Variants in TNK2 observed in about 807,000 individuals in gnomAD.
TNK2 encodes tyrosine kinase non receptor 2.
Under a neutral mutation model 101.8 loss-of-function variants are expected in TNK2, and 83 were observed. The ratio of observed to expected loss-of-function variants is 0.82; its 90% CI spans 0.68 to 0.98. The LOEUF is 0.98. Ranked by LOEUF, TNK2 falls within the 50% of genes least tolerant of loss-of-function variation. The pLI, the probability that TNK2 is intolerant of heterozygous loss-of-function variation, is 0.00. For synonymous variants in TNK2, 804 were observed against 633.0 expected, an observed-to-expected ratio of 1.27 and a Z score of -4.06; for missense variants, 1,665 against 1,483.2, an observed-to-expected ratio of 1.12 and a Z score of -2.01.
At chr3:195,891,527 G>A (rs910625498) in intron 1 of TNK2, among the ~76,000 whole-genome samples, 3 of 152,226 alleles carry the variant, frequency 2.0e-5, no homozygotes, top group Non-Finnish European at 4.4e-5. Context: ...AGAGGCGTGG[G>A]GTTTAAGAGG....
chr3:195,904,747 T>A lies in TNK2; in HGVS notation c.-19+3738A>T, dbSNP rs73891172. Among the ~76,000 whole-genome samples the A allele has an allele frequency of 4.4e-3, 677 of 152,320 alleles. 2 individuals are homozygous for A. Among genetic ancestry groups the A allele is most frequent in the African/African-American group, 0.015 (640 of 41,556 alleles). On this transcript the variant is annotated intron_variant, in intron 1 of 15. Transcript: ENST00000672887. ...ATACTACCAGGAAAAACCAGTATCA[T>A]TTACAATAGCATAAAAATAGGTACT... is the stretch of plus-strand genomic sequence containing the variant.
Position 195,867,700 on chromosome 3 carries a change from G to C in TNK2, c.2598C>G (p.Gly866=). 2 of 1,608,822 alleles carry C rather than the reference G, an allele frequency of 1.2e-6. No homozygotes were observed. The highest frequency in any genetic ancestry group is 2.7e-5 in the African/African-American group (2 of 74,948). ...GPCILPIVRD[G]KKVSSTHYYL... ...AATAGTGGGTGCTGCTGACCTTCTT[G>C]CCATCCCGGACGATGGGCAGGATGC... The change falls in exon 13 of 16, where the codon GGC becomes GGG. Residue 866 remains glycine, a synonymous_variant. Transcript: ENST00000672887.
chr3:195,904,404 G>A (rs1469069758), intron 1 of TNK2, among the ~76,000 whole-genome samples: 2 of 151,948 alleles, frequency 1.3e-5, no homozygotes, highest in Non-Finnish European at 2.9e-5. Flanking sequence ...CCTTGAATAC[G>A]CTAGGCCGAG....
In TNK2 at chr3:195,878,679, C is replaced by A; in HGVS notation, c.1015-87G>T. On this transcript the variant is annotated intron_variant, in intron 7 of 15. Coordinates refer to ENST00000672887, the MANE Select transcript of TNK2 (RefSeq NM_001382273.1). The surrounding 1 kb of genome is among the most constrained non-coding windows in gnomAD (Gnocchi z 4.7). Reference sequence around the variant, plus strand: ...CTTCCCTCCAGCCCATCCACAGCTGCAGCGGCTGCTGCCATGCCTGGCCTC... The same window carrying A: ...CTTCCCTCCAGCCCATCCACAGCTGAAGCGGCTGCTGCCATGCCTGGCCTC... 1 of 1,524,560 alleles carries A rather than the reference C, an allele frequency of 6.6e-7. No individual in the cohort carries two copies. The highest frequency in any genetic ancestry group is 1.2e-5 in the South Asian group (1 of 81,392). The allele number at this position is 1,524,560 out of a possible 1,614,324, so 94.4% of individuals were successfully genotyped here.
In TNK2 at chr3:195,867,673, G is replaced by A. The variant is rs747357159; in HGVS notation, c.2625C>T (p.Tyr875=). The A allele has an allele frequency of 5.6e-6, 9 of 1,607,802 alleles. No homozygotes were observed. Among genetic ancestry groups the A allele is most frequent in the African/African-American group, 5.3e-5 (4 of 74,880 alleles). ...GGTAGGATGGTCGCTCGGGCAGCAA[G>A]TAATAGTGGGTGCTGCTGACCTTCT... ...DGKKVSSTHY[Y]LLPERPSYLE... The change falls in exon 13 of 16, where the codon TAC becomes TAT. Residue 875 remains tyrosine (Y), a synonymous_variant. Coordinates refer to ENST00000672887, the MANE Select transcript of TNK2 (RefSeq NM_001382273.1).
chr3:195,895,493 G>A, intron 1 of TNK2: 2 of 1,358,524 alleles, frequency 1.5e-6, no homozygotes, highest in Non-Finnish European at 1.9e-6. Context: ...CCGGGTGGTC[G>A]CGCCCCTCCT....
intron 9 of TNK2, 50 bp from the exon 10 acceptor site, chr3:195,872,520 C>T (rs1457984456): frequency 6.5e-6 from 10 of 1,532,844 alleles, no homozygotes; most frequent in South Asian, 3.8e-5. Flanking sequence ...GGGGCAGCCC[C>T]GGCACTGGGA....
rs1742302378 is a variant in TNK2 at position 195,868,266 on chromosome 3, G to A, written c.2032C>T (p.Pro678Ser). 3.1e-6 allele frequency: 5 copies of A among 1,604,320 alleles called. No homozygotes were observed. Among genetic ancestry groups the A allele is most frequent in the South Asian group, 1.1e-5 (1 of 91,068 alleles). ...TLVGAGVPAG[P>S]SQGQTNYAFV... The stretch of plus-strand genomic sequence containing the variant: ...GCGTAGTTGGTCTGGCCCTGGCTGG[G>A]CCCGGCAGGGACCCCCGCGCCCACG... The change falls in exon 13 of 16, where the codon CCC becomes TCC. Residue 678 changes from proline to serine, a missense_variant. Pro to Ser is a moderately conservative substitution (Grantham distance 74). Around this residue, in one of 3 missense-constraint regions of TNK2, gnomAD observed 1,136 missense variants for 894.9 expected, o/e 1.27. Coordinates refer to ENST00000672887, the MANE Select transcript of TNK2 (RefSeq NM_001382273.1).
chr3:195,867,254 A>T lies in TNK2; in HGVS notation c.2948T>A (p.Met983Lys). 1 of 1,612,408 alleles carries T rather than the reference A, an allele frequency of 6.2e-7. No individual in the cohort carries two copies. The highest frequency in any genetic ancestry group is 1.1e-5 in the South Asian group (1 of 91,044). The stretch of plus-strand genomic sequence containing the variant: ...CTCCTCTGTGGTCACCCCATGCACC[A>T]TGGCCTGCAGCTGGGCACACCCACC... ...PADKIQMLQA[M>K]VHGVTTEECQ... Residue 983 changes from methionine (M) to lysine (K), a missense_variant, in exon 14 of 16, where the codon ATG (methionine) becomes AAG (lysine). Coordinates refer to ENST00000672887, the MANE Select transcript of TNK2 (RefSeq NM_001382273.1).
chr3:195,877,703 C>T (rs1750193997), intron 9 of TNK2, among the ~76,000 whole-genome samples: 1 of 152,048 alleles, frequency 6.6e-6, no homozygotes, highest in African/African-American at 2.4e-5. Flanking sequence ...GACAGGGACT[C>T]CCGAGAGGCT....
Position 195,885,048 on chromosome 3 carries a change from C to T in TNK2, c.235-15G>A. 1 of 1,572,294 alleles carries T rather than the reference C, an allele frequency of 6.4e-7. No homozygotes were observed. Among genetic ancestry groups the T allele is most frequent in the African/African-American group, 1.4e-5 (1 of 73,858 alleles). On this transcript the variant is annotated splice_polypyrimidine_tract_variant and intron_variant, in intron 3 of 15. Coordinates refer to ENST00000672887, the MANE Select transcript of TNK2 (RefSeq NM_001382273.1). This position sits in a 1 kb window ranked among gnomAD's most constrained non-coding sequence, Gnocchi z 4.7. ...CCACTGAACACCTGTTTGAAGGCAG[C>T]CGGGGGCCAGATGGAATCCAACACC...
chr3:195,865,334 G>C (rs1184194244), intron 15 of TNK2, among the ~76,000 whole-genome samples: 1 of 142,188 alleles, frequency 7.0e-6, no homozygotes, highest in African/African-American at 2.6e-5. Context: ...GTGACAGCGA[G>C]TGCCTGCGTC....
At chr3:195,892,166 C>A (rs2149746071) in intron 1 of TNK2, among the ~76,000 whole-genome samples, 1 of 152,306 alleles carries the variant, frequency 6.6e-6, no homozygotes, top group African/African-American at 2.4e-5. Context: ...TGGTCCTGGC[C>A]CCCGCACCTC....
intron 6 of TNK2, 149 bp downstream of exon 6, chr3:195,881,902 G>C: frequency 2.2e-6 from 2 of 898,504 alleles, no homozygotes; most frequent in Non-Finnish European, 3.3e-6. Flanking sequence ...GATGGTGAGC[G>C]AATGGGTGCA....
At chr3:195,869,683 A>G (rs915039432) in intron 11 of TNK2, 142 bp from the exon 12 acceptor site, 3 of 847,208 alleles carry the variant, frequency 3.5e-6, no homozygotes, top group Non-Finnish European at 5.8e-6. Flanking sequence ...ACAAGCCCCC[A>G]GCAAACGGGA....
chr3:195,902,828 C>T (rs1577122283), intron 1 of TNK2, among the ~76,000 whole-genome samples: 1 of 151,874 alleles, frequency 6.6e-6, no homozygotes, highest in Non-Finnish European at 1.5e-5. Context: ...CGGCTCGCTG[C>T]AACCTCCACC....
chr3:195,887,725 CTGTG>C (rs758013880), intron 2 of TNK2, among the ~76,000 whole-genome samples: 9 of 151,974 alleles, frequency 5.9e-5, no homozygotes, highest in Non-Finnish European at 1.2e-4. Context: ...CAGAGCAAAC[CTGTG>C]TGTATGTGCG....
Position 195,885,587 on chromosome 3 carries a change from A to G in TNK2, c.235-554T>C. The G allele has an allele frequency of 7.8e-7, 1 of 1,289,494 alleles. No individual in the cohort carries two copies. Among genetic ancestry groups the G allele is most frequent in the Non-Finnish European group, 1.0e-6 (1 of 988,766 alleles). The allele number at this position is 1,289,494 out of a possible 1,614,324, so 79.9% of individuals were successfully genotyped here. On this transcript the variant is annotated intron_variant, in intron 3 of 15. Transcript: ENST00000672887. This position sits in a 1 kb window ranked among gnomAD's most constrained non-coding sequence, Gnocchi z 4.7. ...AATTTTAGTCTGAGGTTGAACCGTG[A>G]GTGTGTGTGTGGTTCAGATGAAGCT...
In TNK2 at chr3:195,867,971, G is replaced by A. The variant is rs757978560; in HGVS notation, c.2327C>T (p.Pro776Leu). Residue 776 changes from proline (P) to leucine (L), a missense_variant, in exon 13 of 16, where the codon CCG becomes CTG. By Grantham distance (98) the Pro-to-Leu change is moderately conservative. Transcript: ENST00000672887. Reference sequence around the variant, plus strand: ...CCACTGGCTGGTCTCCTCCTCGCCCGGGGGGGCTGGAGACAGCTGGACGTG... The same window carrying A: ...CCACTGGCTGGTCTCCTCCTCGCCCAGGGGGGCTGGAGACAGCTGGACGTG... ...RPHVQLSPAP[P>L]GEEETSQWPG... 1.7e-5 allele frequency: 26 copies of A among 1,538,356 alleles called. No individual in the cohort carries two copies. The highest frequency in any genetic ancestry group is 1.7e-4 in the Middle Eastern group (1 of 5,848).
Sources: allele counts gnomAD v4.1 joint callset (sites outside exome capture counted in the v4.1 genomes callset), GRCh38; gene constraint gnomAD v4.1.1; regional missense constraint gnomAD v4.1.1; non-coding constraint Gnocchi (gnomAD v3.1); transcripts MANE v1.5; gene names NCBI Gene and HGNC (gene_info 2026-07-23, HGNC 2026-07-21).